Variants in SORCS1 observed in about 807,000 individuals in gnomAD.
SORCS1 encodes the protein VPS10 domain-containing receptor SorCS1.
SORCS1 carries 60 observed loss-of-function variants against 146.1 expected under a neutral mutation model. The observed-to-expected ratio is 0.41, with a 90% CI of 0.33 to 0.51. SORCS1 has a LOEUF of 0.51. SORCS1 is among the 20% of genes least tolerant of loss of function. SORCS1 has a pLI of 0.21. For missense variants in SORCS1, 1,352 were observed against 1,487.6 expected (o/e 0.91, Z 1.50); for synonymous variants, 637 against 584.0 (o/e 1.09, Z -1.31).
At chr10:107,047,359 G>C (rs2134026138) in intron 1 of SORCS1, among the ~76,000 whole-genome samples, 1 of 152,246 alleles carries the variant, frequency 6.6e-6, no homozygotes, top group Non-Finnish European at 1.5e-5. Context: ...AACTACCATA[G>C]TGGATGTCGA....
intron 2 of SORCS1, among the ~76,000 whole-genome samples, chr10:106,842,371 C>T (rs1949087767): frequency 6.6e-6 from 1 of 152,044 alleles, no homozygotes; most frequent in African/African-American, 2.4e-5. Context: ...GTAGCTGGGA[C>T]TACCCTTGTG....
chr10:107,025,103 A>G (rs916868300), intron 1 of SORCS1, among the ~76,000 whole-genome samples: 4 of 152,254 alleles, frequency 2.6e-5, no homozygotes, highest in African/African-American at 4.8e-5. Context: ...GTCAGGTGTT[A>G]TATCAAGGGT....
At chr10:106,810,032 C>T (rs1042619742) in intron 3 of SORCS1, among the ~76,000 whole-genome samples, 1 of 152,146 alleles carries the variant, frequency 6.6e-6, no homozygotes, top group Admixed American at 6.5e-5. Context: ...ACCAGCCTGG[C>T]CAACATGGCA....
intron 3 of SORCS1, among the ~76,000 whole-genome samples, chr10:106,793,299 G>T (rs568298209): frequency 1.2e-4 from 18 of 152,306 alleles, no homozygotes; most frequent in African/African-American, 4.3e-4. Context: ...GGGGAATCAC[G>T]TATGCAAAAG....
intron 1 of SORCS1, among the ~76,000 whole-genome samples, chr10:107,075,492 T>A (rs1962799203): frequency 6.6e-6 from 1 of 152,126 alleles, no homozygotes. Flanking sequence ...GGGTATTTGA[T>A]AAACATTATC....
chr10:107,171,438 G>A, the SORCS1 span, among the ~76,000 whole-genome samples: 2 of 151,528 alleles, frequency 1.3e-5, no homozygotes, highest in Non-Finnish European at 2.9e-5. Flanking sequence ...GCAAGAGACT[G>A]AGCTTTTAGC....
chr10:106,674,769 A>G (rs986877415), intron 14 of SORCS1, among the ~76,000 whole-genome samples: 1 of 152,214 alleles, frequency 6.6e-6, no homozygotes, highest in South Asian at 2.1e-4. Context: ...CTACATATCC[A>G]GGTTCTTTAT....
intron 1 of SORCS1, among the ~76,000 whole-genome samples, chr10:107,018,563 G>C (rs1381703225): frequency 2.0e-5 from 3 of 151,768 alleles, no homozygotes; most frequent in Admixed American, 6.6e-5. Context: ...ATTGCTGAAG[G>C]CTCCTATGTC....
chr10:107,034,950 A>G (rs958359111), intron 1 of SORCS1, among the ~76,000 whole-genome samples: 10 of 152,094 alleles, frequency 6.6e-5, no homozygotes, highest in Non-Finnish European at 1.5e-5. Flanking sequence ...TGATCTCTGG[A>G]TCATGGTGAT....
At chr10:107,020,610 G>A (rs1230186600) in intron 1 of SORCS1, among the ~76,000 whole-genome samples, 1 of 152,122 alleles carries the variant, frequency 6.6e-6, no homozygotes, top group Admixed American at 6.5e-5. Flanking sequence ...GTGATTTATT[G>A]TTTGAACCCA....
intron 2 of SORCS1, among the ~76,000 whole-genome samples, chr10:106,920,937 AAC>A (rs1952680772): frequency 6.6e-6 from 1 of 152,026 alleles, no homozygotes; most frequent in South Asian, 2.1e-4. Context: ...AAGTCTGTTG[AAC>A]GAGACCTGAG....
chr10:106,954,491 A>T (rs557458939), intron 2 of SORCS1, among the ~76,000 whole-genome samples: 55 of 152,234 alleles, frequency 3.6e-4, no homozygotes, highest in Non-Finnish European at 5.9e-4. Context: ...GTAACCAGGG[A>T]CTATATCCAG....
At chr10:106,679,960 T>C (rs1268293950) in intron 10 of SORCS1, among the ~76,000 whole-genome samples, 6 of 152,160 alleles carry the variant, frequency 3.9e-5, no homozygotes, top group African/African-American at 1.4e-4. Flanking sequence ...ACCACCTTCA[T>C]TTTAGGTATA....
intron 1 of SORCS1, among the ~76,000 whole-genome samples, chr10:107,072,563 A>C (rs187368658): frequency 5.9e-5 from 9 of 152,188 alleles, no homozygotes; most frequent in African/African-American, 1.9e-4. Context: ...GTATTTATAC[A>C]TATATCTTCA....
chr10:106,594,232 A>G (rs1461375025), intron 24 of SORCS1, among the ~76,000 whole-genome samples: 1 of 152,198 alleles, frequency 6.6e-6, no homozygotes, highest in Non-Finnish European at 1.5e-5. Flanking sequence ...AAGTTTCCTT[A>G]AGTAACATTT....
chr10:107,068,914 TG>T (rs1962170184), intron 1 of SORCS1, among the ~76,000 whole-genome samples: 1 of 151,946 alleles, frequency 6.6e-6, no homozygotes, highest in African/African-American at 2.4e-5. Context: ...TTTTTTTTCT[TG>T]GGGTGGAGGG....
intron 18 of SORCS1, among the ~76,000 whole-genome samples, chr10:106,634,480 G>A (rs1197719552): frequency 1.3e-5 from 2 of 152,194 alleles, no homozygotes; most frequent in South Asian, 2.1e-4. Flanking sequence ...ATAAAGTCAC[G>A]CAGCTAGTTA....
At chr10:106,668,182 T>A (rs909723634) in intron 16 of SORCS1, among the ~76,000 whole-genome samples, 6 of 151,990 alleles carry the variant, frequency 3.9e-5, no homozygotes, top group African/African-American at 1.5e-4. Context: ...CATCGCAGAG[T>A]TTAACACGGC....
intron 10 of SORCS1, among the ~76,000 whole-genome samples, chr10:106,680,842 A>C (rs969132603): frequency 2.0e-5 from 3 of 152,184 alleles, no homozygotes; most frequent in African/African-American, 7.2e-5. Flanking sequence ...GCAGACATTC[A>C]GACACCTACA....
Sources: gnomAD v4.1 joint callset for allele counts (sites outside exome capture counted in the v4.1 genomes callset) on GRCh38, gnomAD v4.1.1 for gene constraint, MANE v1.5 for transcripts, NCBI Gene and HGNC (gene_info 2026-07-23, HGNC 2026-07-21) for gene names.